Variants in PFAS observed in about 807,000 individuals in gnomAD.
The protein encoded by PFAS is FGAM synthase.
Under a neutral mutation model 140.6 loss-of-function variants are expected in PFAS, and 97 were observed. The ratio of observed to expected loss-of-function variants is 0.69; its 90% CI spans 0.59 to 0.82. The LOEUF is 0.82. Among genes scored for constraint, PFAS ranks in the 40% least tolerant of loss-of-function variants. The probability of loss-of-function intolerance (pLI) is 0.00; values close to 1 mark genes in which losing one functional copy is unlikely to be tolerated. For missense variants in PFAS, 1,656 were observed against 1,780.2 expected, an observed-to-expected ratio of 0.93 and a Z score of 1.26; for synonymous variants, 679 against 718.8, an observed-to-expected ratio of 0.94 and a Z score of 0.88.
At chr17:8,264,136 GC>G (rs1158147086) in intron 15 of PFAS, 75 bp from the exon 16 acceptor site, 1 of 1,585,154 alleles carries the variant, frequency 6.3e-7, no homozygotes, top group Non-Finnish European at 8.7e-7. Context: ...GCACATTTGT[GC>G]CCTGATTTCT....
chr17:8,254,478 C>T (rs1367394727), intron 3 of PFAS, among the ~76,000 whole-genome samples, 177 bp downstream of exon 3: 5 of 152,262 alleles, frequency 3.3e-5, no homozygotes, highest in East Asian at 1.9e-4. Flanking sequence ...AACATGTTCT[C>T]AAAGCAAAAT....
Position 8,267,969 on chromosome 17 carries a change from TTA to T in PFAS, c.3382+312_3382+313del, listed in dbSNP as rs1169132056. 1.2e-3 allele frequency among the ~76,000 whole-genome samples: 174 copies of T among 143,820 alleles called. No individual in the cohort carries two copies. The highest frequency in any genetic ancestry group is 4.2e-3 in the African/African-American group (167 of 39,518). The allele number at this position is 143,820 out of a possible 152,430, so 94.4% of individuals were successfully genotyped here. A position where few individuals can be genotyped will look rare whatever the true frequency, so the allele number is the denominator to read the frequency against. Reference sequence around the variant, plus strand: ...TATATATTATTAAAATATATATTATTTATATATATTATTTATATATTATTAAA... The same window carrying T: ...TATATATTATTAAAATATATATTATTTATATATTATTTATATATTATTAAA... On this transcript the variant is annotated intron_variant, in intron 26 of 27. Transcript: ENST00000314666. This position sits in a 1 kb window ranked among gnomAD's most constrained non-coding sequence, Gnocchi z 4.9.
intron 1 of PFAS, among the ~76,000 whole-genome samples, chr17:8,250,938 A>T (rs1275616602): frequency 6.6e-6 from 1 of 151,746 alleles, no homozygotes; most frequent in South Asian, 2.1e-4. Flanking sequence ...ACTGATTCTC[A>T]TGCTCACTTG....
Position 8,266,425 on chromosome 17 carries a change from T to C in PFAS, c.2821+72T>C. 6.3e-7 allele frequency: 1 copy of C among 1,593,486 alleles called. No homozygotes were observed. On this transcript the variant is annotated intron_variant, in intron 22 of 27. Coordinates refer to ENST00000314666, the MANE Select transcript of PFAS (RefSeq NM_012393.3). The surrounding 1 kb of genome is among the most constrained non-coding windows in gnomAD (Gnocchi z 5.0). ...CCTGCAGACCCCATTTCCAATATAT[T>C]AAAGAGTGGAGTGCCCTCCAGTCCC...
At chr17:8,256,715 C>T in intron 8 of PFAS, 67 bp downstream of exon 8, 16 of 1,574,994 alleles carry the variant, frequency 1.0e-5, no homozygotes, top group Non-Finnish European at 1.4e-5. Flanking sequence ...TCCCAGGCCC[C>T]TGGAGTGGGC....
At chr17:8,254,427 C>CTAGG in intron 3 of PFAS, 126 bp downstream of exon 3, 1 of 1,105,926 alleles carries the variant, frequency 9.0e-7, no homozygotes, top group Non-Finnish European at 1.3e-6. Context: ...ATGTGCTTTC[C>CTAGG]CCATTTGGGT....
intron 9 of PFAS, 61 bp from the exon 10 acceptor site, chr17:8,257,746 C>G: frequency 6.3e-7 from 1 of 1,579,452 alleles, no homozygotes; most frequent in Non-Finnish European, 8.7e-7. Flanking sequence ...AGGATGCAGG[C>G]TGCTCCGGCC....
chr17:8,256,775 G>T (rs2151580546), intron 8 of PFAS, 60 bp from the exon 9 acceptor site: 1 of 1,554,940 alleles, frequency 6.4e-7, no homozygotes, highest in Non-Finnish European at 8.7e-7. Context: ...CAGTGGGGGT[G>T]GTCAGAGATG....
rs1375227273 is a variant in PFAS, at chr17:8,254,264, C to A, written c.241C>A (p.Pro81Thr). The part of the protein sequence containing the change: ...DDVARESWLL[P>T]GSNDLLLEVG... The stretch of plus-strand genomic sequence containing the variant: ...TGTTGCTCGGGAGTCCTGGCTCCTT[C>A]CTGGCTCCAATGACCTGCTGCTGGA... The change falls in exon 3 of 28, where the codon CCT becomes ACT. Residue 81 changes from proline to threonine, a missense_variant. Coordinates refer to ENST00000314666, the MANE Select transcript of PFAS (RefSeq NM_012393.3). The A allele has an allele frequency of 2.5e-6, 4 of 1,614,020 alleles. No homozygotes were observed. The African/African-American group carries it at 5.3e-5, about 22-fold the overall frequency.
intron 11 of PFAS, 81 bp downstream of exon 11, chr17:8,258,280 C>A: frequency 1.4e-6 from 2 of 1,471,824 alleles, no homozygotes; most frequent in Non-Finnish European, 9.4e-7. Flanking sequence ...ACTTAGGGAA[C>A]ACTTCAGTGG....
chr17:8,263,934 A>T lies in PFAS; in HGVS notation c.1789A>T (p.Arg597Ter). 1 of 1,612,172 alleles carries T rather than the reference A, an allele frequency of 6.2e-7. No homozygotes were observed. The highest frequency in any genetic ancestry group is 8.5e-7 in the Non-Finnish European group (1 of 1,179,884). The change falls in exon 15 of 28, where the codon AGA (arginine) becomes TGA (stop). Residue 597 changes from arginine to a stop codon, truncating the protein, a stop_gained and splice_region_variant. Transcript: ENST00000314666. LOFTEE classifies it high-confidence loss of function. ...CGTGGGCACCATCACTGGAGACCGG[A>T]GAGTGAGTTGGCCCAGGGAGTTGGG... ...CFVGTITGDR[R>*]IVLVDDRECP...
Position 8,265,124 on chromosome 17 carries a change from G to A in PFAS, c.2279G>A (p.Arg760Gln), listed in dbSNP as rs574097372. Residue 760 changes from arginine to glutamine, a missense_variant and splice_region_variant, in exon 18 of 28, where the codon CGG (arginine) becomes CAG (glutamine). Coordinates refer to ENST00000314666, the MANE Select transcript of PFAS (RefSeq NM_012393.3). The stretch of plus-strand genomic sequence containing the variant: ...GTGTTTGCTCTGGTCACTGACCTCC[G>A]GGTGAGTTCTCCCACAGCTTCTATC... Reference protein sequence around the residue: ...NLVFALVTDLRDVKCSGNWMW... With the variant: ...NLVFALVTDLQDVKCSGNWMW... The A allele has an allele frequency of 2.7e-5, 43 of 1,609,540 alleles. No homozygotes were observed. The highest frequency in any genetic ancestry group is 1.7e-4 in the Middle Eastern group (1 of 6,054).
chr17:8,252,394 TTTTGTTTGTTTGTTTTTG>T (rs774634116), intron 1 of PFAS, among the ~76,000 whole-genome samples: 7 of 152,104 alleles, frequency 4.6e-5, no homozygotes, highest in African/African-American at 7.2e-5. Flanking sequence ...AGAGATCCTT[TTTTGTTTGTTTGTTTTTG>T]TTTGTTTTGA....
rs907501566 is a variant in PFAS, at chr17:8,256,730, G to A, written c.946+82G>A. On this transcript the variant is annotated intron_variant, in intron 8 of 27. Coordinates refer to ENST00000314666, the MANE Select transcript of PFAS (RefSeq NM_012393.3). Reference sequence around the variant, plus strand: ...TCCCAGGCCCCTGGAGTGGGCCTGGGGAAAATAATCAGGGAAATTGGTTGT... The same window carrying A: ...TCCCAGGCCCCTGGAGTGGGCCTGGAGAAAATAATCAGGGAAATTGGTTGT... 7.6e-5 allele frequency: 119 copies of A among 1,562,460 alleles called. 1 individual carries two copies. Among genetic ancestry groups the A allele is most frequent in the Middle Eastern group, 5.2e-4 (3 of 5,748 alleles).
In PFAS at chr17:8,263,871, A is replaced by T; in HGVS notation, c.1726A>T (p.Thr576Ser). Residue 576 changes from threonine (T) to serine (S), a missense_variant, in exon 15 of 28, where the codon ACT becomes TCT. Coordinates refer to ENST00000314666, the MANE Select transcript of PFAS (RefSeq NM_012393.3). The stretch of plus-strand genomic sequence containing the variant: ...GAGGTCCCCCAACCGGGACTTCCTG[A>T]CTCATGTCAGTGCCCGTGAACGTTG... ...LLRSPNRDFL[T>S]HVSARERCPA... 6.2e-7 allele frequency: 1 copy of T among 1,614,058 alleles called. No individual in the cohort carries two copies. Among genetic ancestry groups the T allele is most frequent in the Non-Finnish European group, 8.5e-7 (1 of 1,180,000 alleles).
chr17:8,248,086 G>C, upstream of PFAS: 1 of 1,300,320 alleles, frequency 7.7e-7, no homozygotes, highest in Non-Finnish European at 1.1e-6. Context: ...GCTTGGGGGT[G>C]GGGATGGGGG....
chr17:8,266,540 G>A lies in PFAS; in HGVS notation c.2821+187G>A, dbSNP rs1989821773. Reference sequence around the variant, plus strand: ...ACTGGCTGACACCCACCATGTTCCTGACTGCACCCCTCTGAGACTTCCCAT... The same window carrying A: ...ACTGGCTGACACCCACCATGTTCCTAACTGCACCCCTCTGAGACTTCCCAT... On this transcript the variant is annotated intron_variant, in intron 22 of 27. Coordinates refer to ENST00000314666, the MANE Select transcript of PFAS (RefSeq NM_012393.3). This position sits in a 1 kb window ranked among gnomAD's most constrained non-coding sequence, Gnocchi z 5.0. 2.8e-6 allele frequency: 4 copies of A among 1,451,640 alleles called. No homozygotes were observed. In the South Asian group the frequency reaches 5.8e-5, roughly 21 times the overall value. The allele number at this position is 1,451,640 out of a possible 1,614,324, so 89.9% of individuals were successfully genotyped here.
In PFAS at chr17:8,265,841, C is replaced by T. The variant is rs1382827649; in HGVS notation, c.2546-21C>T. On this transcript the variant is annotated intron_variant, in intron 20 of 27. Transcript: ENST00000314666. ...TCCTCCTGAGCTGTTCCCCTCCCCT[C>T]ACCCCTCCCCGTCTCCCCAGGCCAT... is the stretch of plus-strand genomic sequence containing the variant. The T allele has an allele frequency of 2.5e-6, 4 of 1,583,724 alleles. No homozygotes were observed. The East Asian group carries it at 6.7e-5, about 27-fold the overall frequency.
rs1989834238 is a variant in PFAS, at chr17:8,266,838, G to A, written c.2907G>A (p.Arg969=). 1 of 1,610,832 alleles carries A rather than the reference G, an allele frequency of 6.2e-7. No homozygotes were observed. The highest frequency in any genetic ancestry group is 1.3e-5 in the African/African-American group (1 of 75,064). The change falls in exon 23 of 28, where the codon CGG becomes CGA. Residue 969 remains arginine, a synonymous_variant. Coordinates refer to ENST00000314666, the MANE Select transcript of PFAS (RefSeq NM_012393.3). The surrounding 1 kb of genome is among the most constrained non-coding windows in gnomAD (Gnocchi z 5.0). ...PDLAQVLKRY[R]DAGLHCLELG... ...TGGCCCAGGTGCTGAAGCGTTACCG[G>A]GATGCTGGCCTCCATTGCCTGGAGC...
Sources: allele counts gnomAD v4.1 joint callset (sites outside exome capture counted in the v4.1 genomes callset), GRCh38; gene constraint gnomAD v4.1.1; non-coding constraint Gnocchi (gnomAD v3.1); transcripts MANE v1.5; gene names NCBI Gene and HGNC (gene_info 2026-07-23, HGNC 2026-07-21).